Variants in ITCH observed in about 807,000 individuals in gnomAD.
ITCH encodes itchy E3 ubiquitin protein ligase, also known as E3 ubiquitin-protein ligase Itchy homolog.
Under a neutral mutation model 126.8 loss-of-function variants are expected in ITCH, and 28 were observed. The ratio of observed to expected loss-of-function variants is 0.22; its 90% CI spans 0.16 to 0.30. ITCH has a LOEUF of 0.30. Ranked by LOEUF, ITCH falls within the 10% of genes least tolerant of loss-of-function variation. The pLI, the probability that ITCH is intolerant of heterozygous loss-of-function variation, is 1.00. For synonymous variants in ITCH, 342 were observed against 340.0 expected (o/e 1.01, Z -0.06); for missense variants, 631 against 1,032.4 (o/e 0.61, Z 5.33).
At chr20:34,486,099 C>T (rs966484496) in intron 20 of ITCH, among the ~76,000 whole-genome samples, 8 of 152,098 alleles carry the variant, frequency 5.3e-5, no homozygotes, top group African/African-American at 1.9e-4. Flanking sequence ...ACTGTAGCCT[C>T]AACCTCCTGA....
At chr20:34,450,472 G>C (rs1394043512) in intron 12 of ITCH, among the ~76,000 whole-genome samples, 2 of 152,154 alleles carry the variant, frequency 1.3e-5, no homozygotes, top group African/African-American at 2.4e-5. Context: ...TGATACCTTA[G>C]TTATTAAAAT....
chr20:34,394,223 A>G (rs543984290), intron 3 of ITCH, among the ~76,000 whole-genome samples: 6 of 151,976 alleles, frequency 3.9e-5, no homozygotes, highest in Non-Finnish European at 7.4e-5. Flanking sequence ...AAAAAAAAAA[A>G]AAAAAAAAAC....
intron 3 of ITCH, among the ~76,000 whole-genome samples, chr20:34,396,513 T>G (rs1488853680): frequency 1.3e-5 from 2 of 152,084 alleles, no homozygotes; most frequent in African/African-American, 4.8e-5. Flanking sequence ...ATTTAATTTT[T>G]TTTTTTTTGA....
At chr20:34,504,030 G>A (rs1279603487) in intron 23 of ITCH, among the ~76,000 whole-genome samples, 1 of 151,714 alleles carries the variant, frequency 6.6e-6, no homozygotes, top group African/African-American at 2.4e-5. Flanking sequence ...ACAGGCATAC[G>A]CCACCACACT....
chr20:34,383,928 T>G (rs1260417429), intron 2 of ITCH, among the ~76,000 whole-genome samples: 1 of 138,800 alleles, frequency 7.2e-6, no homozygotes, highest in South Asian at 2.5e-4. Context: ...CGTCGCAACC[T>G]CTGCCTCCTG....
At chr20:34,370,310 A>G (rs1199673480) in intron 2 of ITCH, among the ~76,000 whole-genome samples, 1 of 152,116 alleles carries the variant, frequency 6.6e-6, no homozygotes, top group Non-Finnish European at 1.5e-5. Context: ...TGTTGTGTGG[A>G]TCAAATAAAA....
chr20:34,492,469 CAT>C (rs1989584606), intron 22 of ITCH, 30 bp from the exon 23 acceptor site: 2 of 1,193,380 alleles, frequency 1.7e-6, no homozygotes, highest in Admixed American at 3.4e-5. Context: ...TAACATATGA[CAT>C]ATATATCTCT....
chr20:34,493,733 T>G (rs563811655), intron 23 of ITCH, among the ~76,000 whole-genome samples: 1 of 152,346 alleles, frequency 6.6e-6, no homozygotes, highest in Admixed American at 6.5e-5. Context: ...AGGTAACTGC[T>G]GGACAACCAA....
At chr20:34,504,450 T>G in intron 24 of ITCH, 47 bp downstream of exon 24, 1 of 1,244,048 alleles carries the variant, frequency 8.0e-7, no homozygotes, top group Non-Finnish European at 1.2e-6. Context: ...TGTCCAGTTA[T>G]CTGTAGCTAT....
At chr20:34,433,618 A>G (rs1024606310) in intron 7 of ITCH, among the ~76,000 whole-genome samples, 17 of 148,422 alleles carry the variant, frequency 1.1e-4, no homozygotes, top group African/African-American at 4.2e-4. Context: ...GATTGTGCCT[A>G]TGCACTCCAG....
chr20:34,431,493 A>G (rs6059834), intron 7 of ITCH, among the ~76,000 whole-genome samples: 67,980 of 151,956 alleles, frequency 0.45, 15,775 homozygotes, highest in Non-Finnish European at 0.5. Flanking sequence ...ATTTGATACT[A>G]GAGGATGGGA....
intron 2 of ITCH, among the ~76,000 whole-genome samples, chr20:34,382,759 T>TATTATA (rs1377141458): frequency 1.4e-5 from 2 of 142,136 alleles, no homozygotes; most frequent in Non-Finnish European, 3.1e-5. Context: ...TTATTATTAT[T>TATTATA]TTGAGACAGA....
At chr20:34,473,473 C>T (rs941105648) in intron 16 of ITCH, among the ~76,000 whole-genome samples, 1 of 152,166 alleles carries the variant, frequency 6.6e-6, no homozygotes, top group Non-Finnish European at 1.5e-5. Context: ...GAGAGAATGG[C>T]GCCACCTGGG....
At chr20:34,401,954 G>A (rs1364938001) in intron 3 of ITCH, among the ~76,000 whole-genome samples, 1 of 152,112 alleles carries the variant, frequency 6.6e-6, no homozygotes, top group East Asian at 1.9e-4. Flanking sequence ...AAATTAACTA[G>A]TACTGGGCTA....
chr20:34,436,660 A>G (rs1416093794), intron 7 of ITCH, among the ~76,000 whole-genome samples: 1 of 152,166 alleles, frequency 6.6e-6, no homozygotes, highest in Non-Finnish European at 1.5e-5. Flanking sequence ...CACATATATA[A>G]TCTGGGGATC....
chr20:34,424,274 C>CTT (rs1406462690), intron 6 of ITCH, among the ~76,000 whole-genome samples: 3 of 152,112 alleles, frequency 2.0e-5, no homozygotes, highest in Non-Finnish European at 2.9e-5. Context: ...AATTATTAAG[C>CTT]ATTTGCACAA....
At chr20:34,506,030 A>T (rs1157898415) in intron 24 of ITCH, among the ~76,000 whole-genome samples, 1 of 152,056 alleles carries the variant, frequency 6.6e-6, no homozygotes, top group Non-Finnish European at 1.5e-5. Flanking sequence ...AAGTGCATTC[A>T]TATCATTATG....
chr20:34,382,867 C>T (rs6142154), intron 2 of ITCH, among the ~76,000 whole-genome samples: 39,678 of 151,198 alleles, frequency 0.26, 6,625 homozygotes, highest in Admixed American at 0.48. Flanking sequence ...CCTTAGCCTC[C>T]TGAGTAGCTG....
In ITCH at chr20:34,376,782, A is replaced by C. The variant is rs548162138; in HGVS notation, c.-22+7312A>C. Among the ~76,000 whole-genome samples, 43 of 152,268 alleles carry C rather than the reference A, an allele frequency of 2.8e-4. 1 individual carries two copies. In the South Asian group the frequency reaches 8.9e-3, roughly 32 times the overall value. ...TTTATTTGGCAAAATTGAGGTCTGT[A>C]GTATTTACTATGGTTGGAGGCAGGG... is the stretch of plus-strand genomic sequence containing the variant. On this transcript the variant is annotated intron_variant, in intron 2 of 24. Transcript: ENST00000374864.
Sources: gnomAD v4.1 joint callset for allele counts (sites outside exome capture counted in the v4.1 genomes callset) on GRCh38, gnomAD v4.1.1 for gene constraint, MANE v1.5 for transcripts, NCBI Gene and HGNC (gene_info 2026-07-23, HGNC 2026-07-21) for gene names.